LAMA5: variants seen among roughly 807,000 people sequenced by gnomAD.
LAMA5 encodes the protein laminin subunit alpha 5, also known as laminin subunit alpha-5.
Under a neutral mutation model 433.4 loss-of-function variants are expected in LAMA5, and 260 were observed. The ratio of observed to expected loss-of-function variants is 0.60; its 90% CI spans 0.54 to 0.66. The LOEUF (loss-of-function observed/expected upper bound fraction) is 0.66, where lower values mean the gene tolerates loss of function less well. Among genes scored for constraint, LAMA5 ranks in the 30% least tolerant of loss-of-function variants. LAMA5 has a pLI of 0.00. For synonymous variants in LAMA5, 2,620 were observed against 2,226.6 expected (o/e 1.18, Z -4.97); for missense variants, 5,378 against 5,258.5 (o/e 1.02, Z -0.70).
At chr20:62,330,988 G>C in intron 29 of LAMA5, 44 bp from the exon 30 acceptor site, 5 of 1,571,042 alleles carry the variant, frequency 3.2e-6, no homozygotes, top group Non-Finnish European at 4.3e-6. Flanking sequence ...CCCTGCCGCC[G>C]GGCCCTCGGC....
intron 51 of LAMA5, among the ~76,000 whole-genome samples, chr20:62,319,271 C>T (rs1987391592): frequency 2.6e-5 from 4 of 152,152 alleles, no homozygotes; most frequent in Admixed American, 2.6e-4. Flanking sequence ...CGTCCTGCCC[C>T]TCTCCGCCTG....
chr20:62,331,125 C>T lies in LAMA5; in HGVS notation c.3557G>A (p.Gly1186Glu). Reference protein sequence around the residue: ...TAEQARFFLHGVTLVPIEEFS... With the variant: ...TAEQARFFLHEVTLVPIEEFS... ...CTCCTCAATGGGCACCAGAGTGACC[C>T]CGTGCTGCAGGCAGAGGGACGAGAT... is the stretch of plus-strand genomic sequence containing the variant. The change falls in exon 29 of 80, where the codon GGG (glycine) becomes GAG (glutamate). Residue 1186 changes from glycine to glutamate, a missense_variant. Transcript: ENST00000252999. 1.3e-6 allele frequency: 2 copies of T among 1,575,630 alleles called. No individual in the cohort carries two copies. Among genetic ancestry groups the T allele is most frequent in the South Asian group, 2.3e-5 (2 of 87,036 alleles).
rs1982017239 is a variant in LAMA5, at chr20:62,338,250, G to C, written c.1738C>G (p.His580Asp). Reference sequence around the variant, plus strand: ...CACTCACACTGGCAGAGAGGGAAGTGAAAGTAGCCGGGGGCACAGCGATCA... The same window carrying C: ...CACTCACACTGGCAGAGAGGGAAGTCAAAGTAGCCGGGGGCACAGCGATCA... ...TCDRCAPGYFHFPLCQLCGCS... is the reference protein window; with the variant it reads ...TCDRCAPGYFDFPLCQLCGCS... The change falls in exon 13 of 80, where the codon CAC (histidine) becomes GAC (aspartate). Residue 580 changes from histidine (H) to aspartate (D), a missense_variant. Coordinates refer to ENST00000252999, the MANE Select transcript of LAMA5 (RefSeq NM_005560.6). 1 of 1,598,110 alleles carries C rather than the reference G, an allele frequency of 6.3e-7. No individual in the cohort carries two copies. Among genetic ancestry groups the C allele is most frequent in the African/African-American group, 1.3e-5 (1 of 74,784 alleles).
rs1005627796 is a variant in LAMA5, at chr20:62,329,192, A to G, written c.4181T>C (p.Leu1394Pro). 6.2e-7 allele frequency: 1 copy of G among 1,612,886 alleles called. No individual in the cohort carries two copies. The highest frequency in any genetic ancestry group is 8.5e-7 in the Non-Finnish European group (1 of 1,179,922). The change falls in exon 33 of 80, where the codon CTG becomes CCG. Residue 1394 changes from leucine (L) to proline (P), a missense_variant. Coordinates refer to ENST00000252999, the MANE Select transcript of LAMA5 (RefSeq NM_005560.6). ...YSFGYLREEP[L>P]DKSYDFISHC... is the part of the protein sequence containing the mutation. ...GCTGATGAAGTCATAGGATTTATCC[A>G]GGGGCTCCTCCCGGAGGTAGCCAAA...
intron 28 of LAMA5, 54 bp downstream of exon 28, chr20:62,332,318 C>T (rs1980618620): frequency 7.5e-7 from 1 of 1,326,646 alleles, no homozygotes; most frequent in Non-Finnish European, 1.1e-6. Flanking sequence ...ATGCATGTTT[C>T]AAATCTTCTG....
At position 62,334,170 on chromosome 20, in the gene LAMA5, G is replaced by C. The variant is rs1286744735; in HGVS notation, c.2739+16C>G. 1 of 1,608,350 alleles carries C rather than the reference G, an allele frequency of 6.2e-7. No homozygotes were observed. Among genetic ancestry groups the C allele is most frequent in the East Asian group, 2.2e-5 (1 of 44,764 alleles). ...CACTTCTAGGCTGAGCCTGGGAGGG[G>C]GAGCACAGCGCCCACCTGGACAGGT... On this transcript the variant is annotated intron_variant, in intron 22 of 79. Transcript: ENST00000252999.
Position 62,318,998 on chromosome 20 carries a change from G to T in LAMA5, c.6887C>A (p.Thr2296Lys), listed in dbSNP as rs149973281. ...GGCATTGGCCAGCCCCAGGTGGCCCGTCTGGGACATGAGCTCTGTGGGGCA... is the reference window on the plus strand; with the variant it reads ...GGCATTGGCCAGCCCCAGGTGGCCCTTCTGGGACATGAGCTCTGTGGGGCA... ...DRTLSELMSQ[T>K]GHLGLANASA... The change falls in exon 52 of 80, where the codon ACG becomes AAG. Residue 2296 changes from threonine (T) to lysine (K), a missense_variant. Coordinates refer to ENST00000252999, the MANE Select transcript of LAMA5 (RefSeq NM_005560.6). The T allele has an allele frequency of 6.9e-6, 11 of 1,585,882 alleles. No individual in the cohort carries two copies. In the African/African-American group the frequency reaches 9.4e-5, roughly 14 times the overall value.
intron 2 of LAMA5, among the ~76,000 whole-genome samples, chr20:62,362,171 A>G (rs1986199003): frequency 1.3e-5 from 2 of 152,174 alleles, no homozygotes; most frequent in Non-Finnish European, 2.9e-5. Context: ...CCCCATGAGC[A>G]CCCGCTTTCC....
At chr20:62,317,115 G>A (rs577975000) in intron 55 of LAMA5, 92 bp from the exon 56 acceptor site, 15 of 1,395,872 alleles carry the variant, frequency 1.1e-5, no homozygotes, top group Admixed American at 8.7e-5. Context: ...AGCCGTGCCC[G>A]TGCCTGCCCG....
Position 62,311,961 on chromosome 20 carries a change from A to G in LAMA5, c.9594T>C (p.Asp3198=), listed in dbSNP as rs774957770. 6 of 1,612,586 alleles carry G rather than the reference A, an allele frequency of 3.7e-6. No individual in the cohort carries two copies. Among genetic ancestry groups the G allele is most frequent in the Non-Finnish European group, 5.1e-6 (6 of 1,179,906 alleles). ...TEVKTQAGFA[D]GAPHYVAFYS... is the part of the protein sequence containing the mutation. ...AGAAGGCGACGTAATGGGGGGCACC[A>G]TCGGCGAAGCCCGCTTGAGTTTTCA... The change falls in exon 70 of 80, where the codon GAT becomes GAC. Residue 3198 remains aspartate, a synonymous_variant. Coordinates refer to ENST00000252999, the MANE Select transcript of LAMA5 (RefSeq NM_005560.6).
chr20:62,361,177 C>A (rs1292547881), intron 2 of LAMA5, among the ~76,000 whole-genome samples: 1 of 152,226 alleles, frequency 6.6e-6, no homozygotes. Flanking sequence ...GACCCCCAGG[C>A]TCCAGGGGAC....
In LAMA5 at chr20:62,310,987, C is replaced by T. The variant is rs374324700; in HGVS notation, c.10196G>A (p.Gly3399Asp). The change falls in exon 74 of 80, where the codon GGC (glycine) becomes GAC (aspartate). Residue 3399 changes from glycine (G) to aspartate (D), a missense_variant. Physicochemically the swap from Gly to Asp is moderately conservative, Grantham distance 94. Coordinates refer to ENST00000252999, the MANE Select transcript of LAMA5 (RefSeq NM_005560.6). Reference protein sequence around the residue: ...SPSLALFLSNGHFVAQMEGLG... With the variant: ...SPSLALFLSNDHFVAQMEGLG... ...GCCTTCCATCTGTGCAACGAAGTGG[C>T]CATTGCTCAGGAAGAGCGCCAGGGA... The T allele has an allele frequency of 3.2e-5, 51 of 1,611,208 alleles. No homozygotes were observed. Among genetic ancestry groups the T allele is most frequent in the Non-Finnish European group, 4.2e-5 (50 of 1,179,372 alleles).
chr20:62,338,750 C>T, intron 11 of LAMA5, 142 bp from the exon 12 acceptor site: 4 of 1,016,706 alleles, frequency 3.9e-6, no homozygotes, highest in Non-Finnish European at 5.6e-6. Context: ...ATAAAAATCC[C>T]AGCAAGGGCT....
In LAMA5 at chr20:62,351,810, G is replaced by A. The variant is rs758086248; in HGVS notation, c.859-9C>T. On this transcript the variant is annotated splice_polypyrimidine_tract_variant and intron_variant, in intron 5 of 79. Transcript: ENST00000252999. The stretch of plus-strand genomic sequence containing the variant: ...TTGATGCTGTAATAATACTGCACCC[G>A]CAGGCCCCGTGAGCACCAGGCGGCC... 1.5e-5 allele frequency: 24 copies of A among 1,598,970 alleles called. No individual in the cohort carries two copies. The highest frequency in any genetic ancestry group is 1.6e-4 in the Middle Eastern group (1 of 6,062).
At position 62,322,084 on chromosome 20, in the gene LAMA5, G is replaced by A; in HGVS notation, c.6431C>T (p.Thr2144Ile). 6.2e-7 allele frequency: 1 copy of A among 1,601,490 alleles called. No homozygotes were observed. Among genetic ancestry groups the A allele is most frequent in the Non-Finnish European group, 8.5e-7 (1 of 1,179,368 alleles). ...AGGCACCTGATGCTGCTGGCTGCAG[G>A]TGTCGCAGCGCTCCCCGCTGAGCCC... ...PPGLSGERCD[T>I]CSQQHQVPVP... Residue 2144 changes from threonine to isoleucine, a missense_variant, in exon 48 of 80, where the codon ACC (threonine) becomes ATC (isoleucine). Coordinates refer to ENST00000252999, the MANE Select transcript of LAMA5 (RefSeq NM_005560.6).
At position 62,310,947 on chromosome 20, in the gene LAMA5, G is replaced by C. The variant is rs759683689; in HGVS notation, c.10236C>G (p.Leu3412=). The change falls in exon 74 of 80, where the codon CTC becomes CTG. Residue 3412 remains leucine, a synonymous_variant. Coordinates refer to ENST00000252999, the MANE Select transcript of LAMA5 (RefSeq NM_005560.6). ...GGGAGCGCTGGCGGCTCTGGGCGCG[G>C]AGCCGAGTCCCGAGGCCTTCCATCT... ...VAQMEGLGTR[L]RAQSRQRSRP... 9.9e-6 allele frequency: 16 copies of C among 1,611,236 alleles called. No individual in the cohort carries two copies. Among genetic ancestry groups the C allele is most frequent in the Non-Finnish European group, 1.4e-5 (16 of 1,179,560 alleles).
chr20:62,314,888 G>C lies in LAMA5; in HGVS notation c.8107C>G (p.Arg2703Gly). 2 of 1,611,360 alleles carry C rather than the reference G, an allele frequency of 1.2e-6. No individual in the cohort carries two copies. Among genetic ancestry groups the C allele is most frequent in the Non-Finnish European group, 8.5e-7 (1 of 1,179,716 alleles). The stretch of plus-strand genomic sequence containing the variant: ...GCCAGGCTGGCGTTGTGCACCCCAC[G>C]GTTCTCCAGGATGCTCAGCTTGGCC... ...LLAKLSILENRGVHNASLALS... is the reference protein window; with the variant it reads ...LLAKLSILENGGVHNASLALS... The change falls in exon 60 of 80, where the codon CGT (arginine) becomes GGT (glycine). Residue 2703 changes from arginine to glycine, a missense_variant. Physicochemically the swap from Arg to Gly is moderately radical, Grantham distance 125. Coordinates refer to ENST00000252999, the MANE Select transcript of LAMA5 (RefSeq NM_005560.6).
rs1326074553 is a variant in LAMA5, at chr20:62,332,494, G to T, written c.3444-14C>A. ...CGGCACAGGGTGCTGTGGGGGGAGG[G>T]TGGTCAGCAGGTGGGGCAGCCCCGG... On this transcript the variant is annotated splice_polypyrimidine_tract_variant and intron_variant, in intron 27 of 79. Transcript: ENST00000252999. 1 of 1,611,046 alleles carries T rather than the reference G, an allele frequency of 6.2e-7. No individual in the cohort carries two copies. The highest frequency in any genetic ancestry group is 8.5e-7 in the Non-Finnish European group (1 of 1,178,814).
rs137885817 is a variant in LAMA5, at chr20:62,320,751, G to T, written c.6636C>A (p.Ile2212=). 6.2e-7 allele frequency: 1 copy of T among 1,612,664 alleles called. No homozygotes were observed. The highest frequency in any genetic ancestry group is 8.5e-7 in the Non-Finnish European group (1 of 1,179,894). ...GGACGCTCAGTACCTGCAGGTCAGC[G>T]ATGGAGGCGTTCAGCCTGTGCAGAC... The part of the protein sequence containing the change: ...WARLHRLNAS[I]ADLQSQLRSP... Residue 2212 remains isoleucine, a synonymous_variant, in exon 49 of 80, where the codon ATC becomes ATA. Coordinates refer to ENST00000252999, the MANE Select transcript of LAMA5 (RefSeq NM_005560.6).
Sources: gnomAD v4.1 joint callset for allele counts (sites outside exome capture counted in the v4.1 genomes callset) on GRCh38, gnomAD v4.1.1 for gene constraint, MANE v1.5 for transcripts, NCBI Gene and HGNC (gene_info 2026-07-23, HGNC 2026-07-21) for gene names.